ACTR5: variants seen among roughly 807,000 people sequenced by gnomAD.
ACTR5 encodes actin related protein 5.
In ACTR5, 43 loss-of-function variants were observed where a neutral mutation model predicts 61.2. The ratio of observed to expected loss-of-function variants is 0.70; its 90% CI spans 0.55 to 0.91. The LOEUF is 0.91. ACTR5 is among the 40% of genes least tolerant of loss of function. The pLI is 0.00. For missense variants in ACTR5, 798 were observed against 782.2 expected (o/e 1.02, Z -0.24); for synonymous variants, 333 against 310.5 (o/e 1.07, Z -0.76).
chr20:38,751,532 A>C (rs2084387090), intron 2 of ACTR5, among the ~76,000 whole-genome samples: 2 of 152,242 alleles, frequency 1.3e-5, no homozygotes, highest in African/African-American at 4.8e-5. Flanking sequence ...CTATGCTGGC[A>C]TCTGCTGGTG....
chr20:38,768,151 G>C (rs2084499406), intron 8 of ACTR5, among the ~76,000 whole-genome samples: 3 of 152,122 alleles, frequency 2.0e-5, no homozygotes, highest in Non-Finnish European at 4.4e-5. Context: ...CTGGGCTTTG[G>C]TGCTGACTCC....
At position 38,752,192 on chromosome 20, in the gene ACTR5, C is replaced by T. The variant is rs2084391462; in HGVS notation, c.667C>T (p.Gln223Ter). 6.2e-7 allele frequency: 1 copy of T among 1,614,106 alleles called. No individual in the cohort carries two copies. The highest frequency in any genetic ancestry group is 8.5e-7 in the Non-Finnish European group (1 of 1,179,968). The change falls in exon 3 of 9, where the codon CAG (glutamine) becomes TAG (stop). Residue 223 changes from glutamine (Q) to a stop codon, truncating the protein, a stop_gained. Transcript: ENST00000243903. LOFTEE classifies it high-confidence loss of function. ...AGGAAGCCAAGCAGCTGGTTACCTC[C>T]AGCGTCTCCTCCAGCTGAAGTACCC... ...LGGSQAAGYL[Q>*]RLLQLKYPGH... is the part of the protein sequence containing the mutation.
intron 1 of ACTR5, among the ~76,000 whole-genome samples, chr20:38,749,296 G>A (rs995459623): frequency 5.3e-5 from 8 of 152,214 alleles, no homozygotes; most frequent in African/African-American, 1.9e-4. Context: ...GGTCAGGGTA[G>A]GACTCGTGAA....
chr20:38,756,400 C>G (rs1339986647), intron 5 of ACTR5, among the ~76,000 whole-genome samples: 1 of 152,156 alleles, frequency 6.6e-6, no homozygotes, highest in Non-Finnish European at 1.5e-5. Context: ...TGTTCACTTA[C>G]CTCCTTTCCA....
chr20:38,752,800 G>A (rs972814124), intron 3 of ACTR5, among the ~76,000 whole-genome samples: 9 of 152,164 alleles, frequency 5.9e-5, no homozygotes, highest in Non-Finnish European at 8.8e-5. Flanking sequence ...TAAAACCAAA[G>A]GACTACGGAC....
chr20:38,750,850 C>T (rs892468164), intron 2 of ACTR5, among the ~76,000 whole-genome samples: 2 of 152,240 alleles, frequency 1.3e-5, no homozygotes, highest in Non-Finnish European at 2.9e-5. Context: ...AGGCTAGTCT[C>T]AAACTCCTGA....
chr20:38,758,196 C>A (rs1342727431), intron 5 of ACTR5, among the ~76,000 whole-genome samples: 1 of 152,170 alleles, frequency 6.6e-6, no homozygotes, highest in Non-Finnish European at 1.5e-5. Context: ...GCATTTGTTA[C>A]ATGATGTGAT....
intron 5 of ACTR5, among the ~76,000 whole-genome samples, chr20:38,762,038 C>T (rs1411888247): frequency 2.0e-5 from 3 of 152,246 alleles, no homozygotes; most frequent in Non-Finnish European, 2.9e-5. Context: ...CATAAAACAG[C>T]AACCATTTTA....
intron 3 of ACTR5, 117 bp from the exon 4 acceptor site, chr20:38,754,840 C>T (rs535996940): frequency 2.9e-5 from 27 of 938,106 alleles, no homozygotes; most frequent in East Asian, 7.7e-5. Flanking sequence ...CCGCCCACCT[C>T]GGCTCCCCAA....
chr20:38,752,081 A>G, intron 2 of ACTR5, 50 bp from the exon 3 acceptor site: 2 of 1,580,378 alleles, frequency 1.3e-6, no homozygotes, highest in Non-Finnish European at 1.7e-6. Flanking sequence ...GATGCTCCAT[A>G]TTTCTGTCCT....
chr20:38,770,013 T>C (rs565235653), intron 8 of ACTR5, among the ~76,000 whole-genome samples: 1 of 152,358 alleles, frequency 6.6e-6, no homozygotes, highest in South Asian at 2.1e-4. Context: ...TCCCATGAAT[T>C]ACTCTGTGAG....
chr20:38,755,431 A>G (rs2084414162), intron 4 of ACTR5, among the ~76,000 whole-genome samples: 1 of 152,228 alleles, frequency 6.6e-6, no homozygotes, highest in Non-Finnish European at 1.5e-5. Context: ...TGTAGCATAC[A>G]TGATGCAAAG....
intron 3 of ACTR5, 59 bp downstream of exon 3, chr20:38,752,359 A>G: frequency 6.6e-7 from 1 of 1,508,306 alleles, no homozygotes; most frequent in Non-Finnish European, 8.9e-7. Context: ...TATTCCTTAA[A>G]TTATTGCCAG....
At position 38,748,866 on chromosome 20, in the gene ACTR5, G is replaced by GTAGGC; in HGVS notation, c.375+15_375+19dup. The GTAGGC allele has an allele frequency of 6.2e-7, 1 of 1,600,908 alleles. No individual in the cohort carries two copies. The highest frequency in any genetic ancestry group is 1.1e-5 in the South Asian group (1 of 90,104). On this transcript the variant is annotated intron_variant, in intron 1 of 8. Coordinates refer to ENST00000243903, the MANE Select transcript of ACTR5 (RefSeq NM_024855.4). ...TGTCTCCTCACAGGTGAAGGGCGGA[G>GTAGGC]TAGGCTGGGCTGGGCTGGGTTTGAG...
chr20:38,748,922 C>T (rs989859457), intron 1 of ACTR5, 69 bp downstream of exon 1: 26 of 1,516,576 alleles, frequency 1.7e-5, no homozygotes, highest in Admixed American at 1.0e-4. Flanking sequence ...TCCGCTCACT[C>T]TGCTCTCGGA....
At chr20:38,759,573 A>AT (rs1005017153) in intron 5 of ACTR5, among the ~76,000 whole-genome samples, 20 of 151,578 alleles carry the variant, frequency 1.3e-4, no homozygotes, top group Middle Eastern at 3.4e-3. Context: ...GTGAATGTTG[A>AT]TTTTTTTTTG....
Position 38,752,233 on chromosome 20 carries a change from C to T in ACTR5, c.708C>T (p.Ala236=). ...TGAAGTACCCTGGGCACCTGGCAGC[C>T]ATCACCCTCAGCCGCATGGAGGAGA... ...LQLKYPGHLA[A]ITLSRMEEIL... is the part of the protein sequence containing the mutation. Residue 236 remains alanine (A), a synonymous_variant, in exon 3 of 9, where the codon GCC becomes GCT. Coordinates refer to ENST00000243903, the MANE Select transcript of ACTR5 (RefSeq NM_024855.4). 6.2e-7 allele frequency: 1 copy of T among 1,614,130 alleles called. No individual in the cohort carries two copies. The highest frequency in any genetic ancestry group is 2.2e-5 in the East Asian group (1 of 44,882).
At chr20:38,757,017 T>G (rs1225546233) in intron 5 of ACTR5, among the ~76,000 whole-genome samples, 1 of 152,234 alleles carries the variant, frequency 6.6e-6, no homozygotes, top group Non-Finnish European at 1.5e-5. Context: ...CTCAGACTCC[T>G]GGGCTTAAGT....
At chr20:38,753,594 T>C (rs913363145) in intron 3 of ACTR5, among the ~76,000 whole-genome samples, 3 of 152,184 alleles carry the variant, frequency 2.0e-5, no homozygotes. Flanking sequence ...CCAGAGTAAA[T>C]AGATTGCTGG....
Sources: gnomAD v4.1 joint callset for allele counts (sites outside exome capture counted in the v4.1 genomes callset) on GRCh38, gnomAD v4.1.1 for gene constraint, MANE v1.5 for transcripts, NCBI Gene and HGNC (gene_info 2026-07-23, HGNC 2026-07-21) for gene names.